COL23A1: variants seen among roughly 807,000 people sequenced by gnomAD.
COL23A1 encodes the protein collagen alpha-1(XXIII) chain.
Under a neutral mutation model 99.3 loss-of-function variants are expected in COL23A1, and 97 were observed. The observed-to-expected ratio is 0.98, with a 90% CI of 0.83 to 1.16. COL23A1 has a LOEUF of 1.16. Among genes scored for constraint, COL23A1 ranks in the 50% most tolerant of loss-of-function variants. The pLI, the probability that COL23A1 is intolerant of heterozygous loss-of-function variation, is 0.00. For synonymous variants in COL23A1, 320 were observed against 308.2 expected (o/e 1.04, Z -0.40); for missense variants, 762 against 757.4 (o/e 1.01, Z -0.07).
chr5:178,321,801 T>G (rs1218064416), intron 2 of COL23A1, among the ~76,000 whole-genome samples: 2 of 150,678 alleles, frequency 1.3e-5, no homozygotes, highest in African/African-American at 4.9e-5. Flanking sequence ...GTAGCCTTCC[T>G]TTTTAAGGCT....
At chr5:178,514,428 A>C (rs545735505) in intron 2 of COL23A1, among the ~76,000 whole-genome samples, 107 of 152,376 alleles carry the variant, frequency 7.0e-4, no homozygotes, top group Non-Finnish European at 1.2e-3. Context: ...TATCCCCAAC[A>C]GTGGGATTGC....
intron 2 of COL23A1, among the ~76,000 whole-genome samples, chr5:178,467,560 A>G (rs1756487114): frequency 1.3e-5 from 2 of 152,082 alleles, no homozygotes; most frequent in Admixed American, 1.3e-4. Flanking sequence ...AACCACAGAG[A>G]GGAGGTCCCC....
chr5:178,286,610 T>TG (rs1406213053), intron 5 of COL23A1, among the ~76,000 whole-genome samples: 1 of 152,146 alleles, frequency 6.6e-6, no homozygotes, highest in Non-Finnish European at 1.5e-5. Flanking sequence ...GCTGCAGAGA[T>TG]GAGAGCCACG....
chr5:178,489,489 C>T, intron 2 of COL23A1, among the ~76,000 whole-genome samples: 1 of 152,214 alleles, frequency 6.6e-6, no homozygotes, highest in East Asian at 1.9e-4. Flanking sequence ...CCATGTGAGT[C>T]AATTCTTCCC....
chr5:178,269,470 TCCACCCAC>T (rs1303952676), intron 6 of COL23A1, among the ~76,000 whole-genome samples: 1 of 82,030 alleles, frequency 1.2e-5, no homozygotes, highest in East Asian at 4.7e-4. Flanking sequence ...CATCCACCCA[TCCACCCAC>T]CCATCCACCC....
At chr5:178,286,054 T>C (rs1324455407) in intron 5 of COL23A1, among the ~76,000 whole-genome samples, 1 of 152,134 alleles carries the variant, frequency 6.6e-6, no homozygotes, top group Admixed American at 6.5e-5. Context: ...GTGAACGCCC[T>C]GAATCCAGCC....
intron 2 of COL23A1, among the ~76,000 whole-genome samples, chr5:178,418,835 C>T (rs957356818): frequency 1.3e-4 from 20 of 152,204 alleles, no homozygotes; most frequent in African/African-American, 4.1e-4. Context: ...AGCCATGTGG[C>T]CCTGATTCTG....
intron 2 of COL23A1, among the ~76,000 whole-genome samples, chr5:178,343,820 G>A (rs896591072): frequency 5.3e-5 from 8 of 151,820 alleles, no homozygotes; most frequent in East Asian, 1.9e-4. Flanking sequence ...ACGCCACCAC[G>A]GCCCACTAAT....
At chr5:178,498,366 A>C (rs1228832934) in intron 2 of COL23A1, among the ~76,000 whole-genome samples, 2 of 150,784 alleles carry the variant, frequency 1.3e-5, no homozygotes, top group East Asian at 3.9e-4. Flanking sequence ...CAAATACTAG[A>C]AGCCAGCAAA....
Position 178,325,652 on chromosome 5 carries a change from T to C in COL23A1, c.362-18733A>G, listed in dbSNP as rs562157348. ...TGGAGCCGTCTGCCCATCAGTCCCATTGCCAGACCACGAGCTCCCCAAAGC... is the reference window on the plus strand; with the variant it reads ...TGGAGCCGTCTGCCCATCAGTCCCACTGCCAGACCACGAGCTCCCCAAAGC... On this transcript the variant is annotated intron_variant, in intron 2 of 28. Coordinates refer to ENST00000390654, the MANE Select transcript of COL23A1 (RefSeq NM_173465.4). Among the ~76,000 whole-genome samples the C allele has an allele frequency of 3.9e-5, 6 of 152,278 alleles. No individual in the cohort carries two copies. In the South Asian group the frequency reaches 1.2e-3, roughly 32 times the overall value.
At chr5:178,311,509 C>CGCGTGT (rs1374518634) in intron 2 of COL23A1, among the ~76,000 whole-genome samples, 9 of 27,176 alleles carry the variant, frequency 3.3e-4, no homozygotes, top group African/African-American at 6.4e-4. Context: ...TGTGTGTGCG[C>CGCGTGT]GTGTGTGTGT....
intron 2 of COL23A1, among the ~76,000 whole-genome samples, chr5:178,335,700 G>A (rs1760278251): frequency 6.6e-6 from 1 of 152,190 alleles, no homozygotes; most frequent in South Asian, 2.1e-4. Context: ...TTTCAGCATA[G>A]ATGGACAATT....
intron 2 of COL23A1, among the ~76,000 whole-genome samples, chr5:178,372,807 C>T (rs1762867318): frequency 6.6e-6 from 1 of 152,200 alleles, no homozygotes; most frequent in Non-Finnish European, 1.5e-5. Flanking sequence ...AACTCTTGGG[C>T]TTAAGTGATC....
At chr5:178,241,429 G>A (rs916500249) in intron 27 of COL23A1, among the ~76,000 whole-genome samples, 10 of 152,104 alleles carry the variant, frequency 6.6e-5, no homozygotes, top group Non-Finnish European at 1.3e-4. Flanking sequence ...GGAAGGAAGG[G>A]GAGGCACAGC....
intron 12 of COL23A1, 139 bp from the exon 13 acceptor site, chr5:178,257,706 C>T: frequency 1.2e-6 from 1 of 831,856 alleles, no homozygotes; most frequent in Non-Finnish European, 2.0e-6. Context: ...CCTCCCCACC[C>T]TCCTTGCCCC....
chr5:178,253,176 G>A (rs1765123466), intron 16 of COL23A1, among the ~76,000 whole-genome samples: 1 of 152,066 alleles, frequency 6.6e-6, no homozygotes, highest in African/African-American at 2.4e-5. Context: ...TGCCACCAGG[G>A]CCCAGCTGGC....
chr5:178,493,109 A>AGCATCAGGCACTGAATGAGTGAGATTCT (rs1758016924), intron 2 of COL23A1, among the ~76,000 whole-genome samples: 1 of 152,206 alleles, frequency 6.6e-6, no homozygotes, highest in Admixed American at 6.5e-5. Flanking sequence ...CCTGTTCTCC[A>AGCATCAGGCACTGAATGAGTGAGATTCT]GCATCAGGCA....
intron 2 of COL23A1, among the ~76,000 whole-genome samples, chr5:178,495,301 G>A (rs1758140237): frequency 6.6e-6 from 1 of 152,210 alleles, no homozygotes; most frequent in South Asian, 2.1e-4. Context: ...ATTCAGAGAG[G>A]ATGAATTTGG....
intron 2 of COL23A1, among the ~76,000 whole-genome samples, chr5:178,324,492 G>A (rs995597811): frequency 4.6e-5 from 7 of 152,066 alleles, no homozygotes; most frequent in Admixed American, 3.3e-4. Flanking sequence ...GACCACGACC[G>A]CTGCTGCGTG....
Sources: gnomAD v4.1 joint callset for allele counts (sites outside exome capture counted in the v4.1 genomes callset) on GRCh38, gnomAD v4.1.1 for gene constraint, MANE v1.5 for transcripts, NCBI Gene and HGNC (gene_info 2026-07-23, HGNC 2026-07-21) for gene names.